Variants in CBLN2 observed in about 807,000 individuals in gnomAD.
CBLN2 encodes the protein cerebellin-2.
CBLN2 carries 7 observed loss-of-function variants against 15.0 expected under a neutral mutation model. That is an observed-to-expected ratio of 0.47 (90% confidence interval 0.27 to 0.88). The LOEUF is 0.88. Among genes scored for constraint, CBLN2 ranks in the 40% least tolerant of loss-of-function variants. CBLN2 has a pLI of 0.14. For missense variants in CBLN2, 242 were observed against 304.5 expected (o/e 0.79, Z 1.53); for synonymous variants, 149 against 135.2 (o/e 1.10, Z -0.71).
chr18:72,630,189 C>T (rs913849983), intron 1 of CBLN2, among the ~76,000 whole-genome samples: 1 of 151,996 alleles, frequency 6.6e-6, no homozygotes, highest in Non-Finnish European at 1.5e-5. Flanking sequence ...CTTTTTATAC[C>T]ACAAAATGAA....
In CBLN2 at chr18:72,575,863, G is replaced by A. The variant is rs1052246690; in HGVS notation, c.16-37091C>T. 5.3e-5 allele frequency among the ~76,000 whole-genome samples: 8 copies of A among 152,144 alleles called. No individual in the cohort carries two copies. The East Asian group carries it at 1.5e-3, about 29-fold the overall frequency. On this transcript the variant is annotated intron_variant, in intron 1 of 2. Transcript: ENST00000581073. ...GGTTAATTTTGTTTGCCAATTGCTG[G>A]AGTAAAACCATTCGATTCTGACCAC...
At chr18:72,568,312 TTC>T (rs1405091958) in intron 1 of CBLN2, among the ~76,000 whole-genome samples, 2 of 152,172 alleles carry the variant, frequency 1.3e-5, no homozygotes, top group African/African-American at 2.4e-5. Context: ...CTCAAATAGT[TTC>T]TGTTTATTAA....
rs117027499 is a variant in CBLN2 at position 72,627,241 on chromosome 18, C to T, written c.15+11084G>A. Among the ~76,000 whole-genome samples, 668 of 152,226 alleles carry T rather than the reference C, an allele frequency of 4.4e-3. 2 individuals are homozygous for T. The highest frequency in any genetic ancestry group is 7.1e-3 in the Non-Finnish European group (486 of 68,014). On this transcript the variant is annotated intron_variant, in intron 1 of 2. Coordinates refer to the CBLN2 transcript ENST00000581073. Reference sequence around the variant, plus strand: ...AGCAGAATGGATAAATAAATATATTCGGGATGCTATTTTGACTGTTTGCTT... The same window carrying T: ...AGCAGAATGGATAAATAAATATATTTGGGATGCTATTTTGACTGTTTGCTT...
chr18:72,592,262 C>T (rs903073567), intron 1 of CBLN2, among the ~76,000 whole-genome samples: 6 of 151,918 alleles, frequency 3.9e-5, no homozygotes, highest in African/African-American at 1.4e-4. Flanking sequence ...TGATGTTGAG[C>T]AACTTTTCCT....
intron 1 of CBLN2, among the ~76,000 whole-genome samples, chr18:72,612,176 T>A (rs1568131474): frequency 6.6e-6 from 1 of 152,230 alleles, no homozygotes; most frequent in Non-Finnish European, 1.5e-5. Flanking sequence ...GGTAGCATGA[T>A]GCCTCCAGCT....
chr18:72,624,161 C>T (rs886188670), intron 1 of CBLN2, among the ~76,000 whole-genome samples: 3 of 151,796 alleles, frequency 2.0e-5, no homozygotes, highest in African/African-American at 7.3e-5. Context: ...GAGTTCAGCA[C>T]TTTCAGAGAT....
chr18:72,584,995 C>G (rs181558078), intron 1 of CBLN2, among the ~76,000 whole-genome samples: 109 of 152,300 alleles, frequency 7.2e-4, no homozygotes, highest in Admixed American at 1.2e-3. Context: ...TGTGCACAGC[C>G]AGACACACCA....
chr18:72,630,318 C>T (rs1180446567), intron 1 of CBLN2, among the ~76,000 whole-genome samples: 2 of 152,058 alleles, frequency 1.3e-5, no homozygotes, highest in African/African-American at 4.8e-5. Flanking sequence ...TTAGTCCTGT[C>T]CTTACTTTTA....
intron 1 of CBLN2, among the ~76,000 whole-genome samples, chr18:72,615,145 T>A (rs999199438): frequency 7.5e-6 from 1 of 133,270 alleles, no homozygotes; most frequent in Non-Finnish European, 1.6e-5. Flanking sequence ...TATAAATAAA[T>A]ATAAATATAG....
rs190233840 is a variant in CBLN2 at position 72,558,492 on chromosome 18, C to T, written c.16-19720G>A. 1.1e-4 allele frequency among the ~76,000 whole-genome samples: 16 copies of T among 152,254 alleles called. No individual in the cohort carries two copies. The East Asian group carries it at 2.3e-3, about 22-fold the overall frequency. On this transcript the variant is annotated intron_variant, in intron 1 of 2. Coordinates refer to the CBLN2 transcript ENST00000581073. ...GCACTGCAAACCCTTCTAGTGGATC[C>T]TTGAACCTGAGGGTTATCTTGGAGA...
chr18:72,552,773 A>G (rs1261460049), intron 1 of CBLN2: 2 of 152,212 alleles, frequency 1.3e-5, no homozygotes, highest in Non-Finnish European at 2.9e-5. Flanking sequence ...CTAAATCCCC[A>G]TCTTTTAAGC....
At chr18:72,602,045 G>T (rs2069551834) in intron 1 of CBLN2, among the ~76,000 whole-genome samples, 1 of 152,172 alleles carries the variant, frequency 6.6e-6, no homozygotes, top group Admixed American at 6.5e-5. Context: ...AGCCCCTGCT[G>T]AGCCACATCT....
chr18:72,583,481 C>T (rs1196216887), intron 1 of CBLN2, among the ~76,000 whole-genome samples: 5 of 152,076 alleles, frequency 3.3e-5, no homozygotes, highest in Non-Finnish European at 7.4e-5. Context: ...GGAACTCTGC[C>T]AAAGCAGGTG....
chr18:72,588,367 C>A (rs2069456798), intron 1 of CBLN2, among the ~76,000 whole-genome samples: 1 of 152,142 alleles, frequency 6.6e-6, no homozygotes, highest in Admixed American at 6.5e-5. Context: ...TTCTCTTTTT[C>A]TTTTTTATTC....
At chr18:72,621,859 C>A (rs1568134533) in intron 1 of CBLN2, among the ~76,000 whole-genome samples, 1 of 152,140 alleles carries the variant, frequency 6.6e-6, no homozygotes, top group East Asian at 1.9e-4. Context: ...CCAAGGTTTC[C>A]AAAACTGATG....
intron 1 of CBLN2, among the ~76,000 whole-genome samples, chr18:72,635,232 A>C (rs2069804387): frequency 6.6e-6 from 1 of 152,238 alleles, no homozygotes. Context: ...CACTGTTAGT[A>C]TTTGAAAAGC....
chr18:72,626,885 T>C (rs541425638), intron 1 of CBLN2, among the ~76,000 whole-genome samples: 4 of 152,312 alleles, frequency 2.6e-5, no homozygotes, highest in African/African-American at 9.6e-5. Context: ...TGATCCAAAC[T>C]GAACCCAAGG....
intron 1 of CBLN2, among the ~76,000 whole-genome samples, chr18:72,619,985 C>G (rs1313650380): frequency 6.6e-6 from 1 of 152,204 alleles, no homozygotes; most frequent in Non-Finnish European, 1.5e-5. Flanking sequence ...GCTCACCACC[C>G]CTTGTTGGGG....
At chr18:72,552,327 A>G (rs1598994629) in intron 1 of CBLN2, among the ~76,000 whole-genome samples, 1 of 152,006 alleles carries the variant, frequency 6.6e-6, no homozygotes, top group African/African-American at 2.4e-5. Flanking sequence ...CAGGTGATCC[A>G]CCTGCCTTGA....
Sources: allele counts gnomAD v4.1 joint callset (sites outside exome capture counted in the v4.1 genomes callset), GRCh38; gene constraint gnomAD v4.1.1; transcripts MANE v1.5; gene names NCBI Gene and HGNC (gene_info 2026-07-23, HGNC 2026-07-21).